The following STIM1 variants were observed in gnomAD, a reference collection of about 807,000 sequenced individuals.
The protein encoded by STIM1 is stromal interaction molecule 1.
In STIM1, 25 loss-of-function variants were observed where a neutral mutation model predicts 74.7. That is an observed-to-expected ratio of 0.33 (90% CI 0.24 to 0.47). The LOEUF (loss-of-function observed/expected upper bound fraction) is 0.47, where lower values mean the gene tolerates loss of function less well. Among genes scored for constraint, STIM1 ranks in the 20% least tolerant of loss-of-function variants. STIM1 has a pLI of 1.00. For missense variants in STIM1, 728 were observed against 920.8 expected, an observed-to-expected ratio of 0.79 and a Z score of 2.71; for synonymous variants, 328 against 348.8, an observed-to-expected ratio of 0.94 and a Z score of 0.66.
chr11:3,986,670 G>A (rs2093560752), intron 2 of STIM1, among the ~76,000 whole-genome samples: 1 of 152,042 alleles, frequency 6.6e-6, no homozygotes, highest in South Asian at 2.1e-4. Flanking sequence ...CCAGGAAAGG[G>A]GAACTTAACG....
At chr11:3,897,246 G>C (rs2092206286) in intron 1 of STIM1, among the ~76,000 whole-genome samples, 1 of 152,158 alleles carries the variant, frequency 6.6e-6, no homozygotes, top group East Asian at 1.9e-4. Context: ...GCCAGCTCTG[G>C]TGAGTTGCTG....
At chr11:4,064,021 A>T (rs978989535) in intron 5 of STIM1, among the ~76,000 whole-genome samples, 16 of 152,252 alleles carry the variant, frequency 1.1e-4, no homozygotes, top group African/African-American at 3.4e-4. Context: ...AGTTCTGCCT[A>T]GATTTGGGTT....
At chr11:3,944,578 A>G (rs1311142719) in intron 1 of STIM1, among the ~76,000 whole-genome samples, 2 of 152,224 alleles carry the variant, frequency 1.3e-5, no homozygotes, top group Non-Finnish European at 2.9e-5. Context: ...CTTTTGTGAC[A>G]GAGTAGTCTA....
chr11:3,904,299 G>A (rs572056411), intron 1 of STIM1, among the ~76,000 whole-genome samples: 1 of 152,066 alleles, frequency 6.6e-6, no homozygotes, highest in African/African-American at 2.4e-5. Flanking sequence ...GGATGACCAG[G>A]GTTGTGCCAG....
chr11:3,918,543 AAGAAAG>A (rs2092679486), intron 1 of STIM1, among the ~76,000 whole-genome samples: 3 of 42,192 alleles, frequency 7.1e-5, no homozygotes, highest in South Asian at 1.4e-3. Context: ...CAAAAAAAAA[AAGAAAG>A]AAAGAAAGAA....
intron 1 of STIM1, among the ~76,000 whole-genome samples, chr11:3,943,011 G>A (rs1477911839): frequency 6.6e-6 from 1 of 152,222 alleles, no homozygotes; most frequent in Non-Finnish European, 1.5e-5. Context: ...TGTTATCATT[G>A]TTAAAGCAAC....
At chr11:4,007,957 C>T (rs2093799322) in intron 2 of STIM1, among the ~76,000 whole-genome samples, 1 of 152,060 alleles carries the variant, frequency 6.6e-6, no homozygotes, top group African/African-American at 2.4e-5. Context: ...CTCCATAGCT[C>T]CTTTAGCACC....
intron 3 of STIM1, among the ~76,000 whole-genome samples, chr11:4,037,606 G>A (rs528833225): frequency 6.6e-6 from 1 of 152,166 alleles, no homozygotes; most frequent in South Asian, 2.1e-4. Context: ...TTTGACTGTT[G>A]TTAGTTTGGA....
chr11:3,910,701 G>A (rs2092546999), intron 1 of STIM1, among the ~76,000 whole-genome samples: 1 of 151,980 alleles, frequency 6.6e-6, no homozygotes, highest in Non-Finnish European at 1.5e-5. Flanking sequence ...CTAAAAACAG[G>A]CCGGGCGAGG....
At chr11:3,981,372 G>C (rs186087246) in intron 2 of STIM1, among the ~76,000 whole-genome samples, 1 of 152,192 alleles carries the variant, frequency 6.6e-6, no homozygotes, top group Admixed American at 6.5e-5. Flanking sequence ...ACCAGATTTT[G>C]AGTTCCTTTA....
rs1159931566 is a variant in STIM1, at chr11:3,856,149, C to T, written c.-122C>T. 1 of 1,361,810 alleles carries T rather than the reference C, an allele frequency of 7.3e-7. No homozygotes were observed. Among genetic ancestry groups the T allele is most frequent in the Middle Eastern group, 2.0e-4 (1 of 5,060 alleles). The allele number at this position is 1,361,810 out of a possible 1,614,324, so 84.4% of individuals were successfully genotyped here. A position where few individuals can be genotyped will look rare whatever the true frequency, so the allele number is the denominator to read the frequency against. ...GGGGGCAGGCTCGCGGGTGGCTGGA[C>T]AGCTGCGGAGCCGCGAGGGCATCTT... On this transcript the variant is annotated 5_prime_UTR_variant, in exon 1 of 13. Transcript: ENST00000526596.
chr11:3,869,623 G>A (rs7951076), intron 1 of STIM1, among the ~76,000 whole-genome samples: 38,549 of 152,100 alleles, frequency 0.25, 5,264 homozygotes, highest in Non-Finnish European at 0.29. Flanking sequence ...GAGAGTGGTA[G>A]CTGTGCCAGA....
At chr11:4,091,162 T>C in intron 12 of STIM1, 120 bp from the exon 13 acceptor site, 1 of 1,382,496 alleles carries the variant, frequency 7.2e-7, no homozygotes, top group African/African-American at 1.4e-5. Flanking sequence ...CCTGCCGCTC[T>C]ATCCCCATTT....
chr11:3,930,371 A>G lies in STIM1; in HGVS notation c.140-37181A>G, dbSNP rs559191792. ...GGCCTTCTGACTTTGTCTTTCGAAA[A>G]TGACAGCTTCCCTGTTTATAACTTT... is the stretch of plus-strand genomic sequence containing the variant. On this transcript the variant is annotated intron_variant, in intron 1 of 12. Transcript: ENST00000526596. Among the ~76,000 whole-genome samples the G allele has an allele frequency of 3.3e-5, 5 of 152,350 alleles. No homozygotes were observed. In the South Asian group the frequency reaches 1.0e-3, roughly 32 times the overall value.
rs187018462 is a variant in STIM1 at position 4,039,958 on chromosome 11, G to A, written c.386-15568G>A. The stretch of plus-strand genomic sequence containing the variant: ...AATTTTTTGTATTTTTAGTAGAGAT[G>A]GGGTTTCATCATGTTGGCCAGGCTG... On this transcript the variant is annotated intron_variant, in intron 3 of 12. Coordinates refer to ENST00000526596, the MANE Select transcript of STIM1 (RefSeq NM_001382567.1). Among the ~76,000 whole-genome samples, 718 of 151,984 alleles carry A rather than the reference G, an allele frequency of 4.7e-3. 6 individuals are homozygous for A. The highest frequency in any genetic ancestry group is 0.016 in the African/African-American group (670 of 41,468).
At chr11:3,933,225 G>A (rs188920944) in intron 1 of STIM1, among the ~76,000 whole-genome samples, 3 of 152,302 alleles carry the variant, frequency 2.0e-5, no homozygotes, top group Non-Finnish European at 4.4e-5. Flanking sequence ...GGGCTGTGTT[G>A]TGAATGGGAC....
chr11:3,897,237 C>G (rs1337174442), intron 1 of STIM1, among the ~76,000 whole-genome samples: 7 of 152,036 alleles, frequency 4.6e-5, no homozygotes, highest in Non-Finnish European at 8.8e-5. Flanking sequence ...TTCCATAAAG[C>G]CAGCTCTGGT....
At chr11:4,018,468 A>AAC (rs1315795313) in intron 2 of STIM1, among the ~76,000 whole-genome samples, 1 of 146,302 alleles carries the variant, frequency 6.8e-6, no homozygotes, top group Non-Finnish European at 1.5e-5. Context: ...CAAAAAAAAA[A>AAC]AAAAAAAAAA....
intron 1 of STIM1, among the ~76,000 whole-genome samples, chr11:3,909,325 G>A (rs1254751580): frequency 6.6e-6 from 1 of 152,108 alleles, no homozygotes; most frequent in Non-Finnish European, 1.5e-5. Flanking sequence ...AGAGAATAAG[G>A]TCTGGATCCA....
Sources: allele counts gnomAD v4.1 joint callset (sites outside exome capture counted in the v4.1 genomes callset), GRCh38; gene constraint gnomAD v4.1.1; transcripts MANE v1.5; gene names NCBI Gene and HGNC (gene_info 2026-07-23, HGNC 2026-07-21).